Variants in CCDC6 observed in about 807,000 individuals in gnomAD.
The protein encoded by CCDC6 is coiled-coil domain-containing protein 6.
CCDC6 carries 20 observed loss-of-function variants against 56.6 expected under a neutral mutation model. That is an observed-to-expected ratio of 0.35 (90% CI 0.25 to 0.51). The LOEUF is 0.51. Among genes scored for constraint, CCDC6 ranks in the 20% least tolerant of loss-of-function variants. The probability of loss-of-function intolerance (pLI) is 0.95; values close to 1 mark genes in which losing one functional copy is unlikely to be tolerated. For synonymous variants in CCDC6, 241 were observed against 234.4 expected (o/e 1.03, Z -0.26); for missense variants, 367 against 601.1 (o/e 0.61, Z 4.07).
At chr10:59,826,685 A>G (rs1871637) in intron 3 of CCDC6, among the ~76,000 whole-genome samples, 76,293 of 152,176 alleles carry the variant, frequency 0.5, 19,932 homozygotes, top group African/African-American at 0.64. Context: ...CAGCATGGGC[A>G]AAGAAGAAAG....
rs1262520922 is a variant in CCDC6, at chr10:59,790,126, C to T, written c.*2791G>A. The T allele has an allele frequency of 4.7e-6, 1 of 214,604 alleles. No individual in the cohort carries two copies. Among genetic ancestry groups the T allele is most frequent in the Non-Finnish European group, 9.4e-6 (1 of 106,010 alleles). The allele number at this position is 214,604 out of a possible 1,614,324, so 13.3% of individuals were successfully genotyped here. A position where few individuals can be genotyped will look rare whatever the true frequency, so the allele number is the denominator to read the frequency against. On this transcript the variant is annotated 3_prime_UTR_variant, in exon 9 of 9. Coordinates refer to ENST00000263102, the MANE Select transcript of CCDC6 (RefSeq NM_005436.5). Reference sequence around the variant, plus strand: ...CTTGATGAGAGAAAGCAGTTCAGAGCCCAAAGAGGTGTCAGGTATTAGGTA... The same window carrying T: ...CTTGATGAGAGAAAGCAGTTCAGAGTCCAAAGAGGTGTCAGGTATTAGGTA...
intron 1 of CCDC6, among the ~76,000 whole-genome samples, chr10:59,854,589 C>G (rs2071065649): frequency 6.6e-6 from 1 of 152,144 alleles, no homozygotes; most frequent in African/African-American, 2.4e-5. Context: ...CCCTTACATA[C>G]CTCCTATTTC....
At chr10:59,854,978 G>A (rs1453518433) in intron 1 of CCDC6, among the ~76,000 whole-genome samples, 2 of 152,178 alleles carry the variant, frequency 1.3e-5, no homozygotes, top group Non-Finnish European at 2.9e-5. Flanking sequence ...TATCAGATCA[G>A]ACTCAACTTC....
chr10:59,835,109 G>T (rs2070870542), intron 2 of CCDC6, among the ~76,000 whole-genome samples: 1 of 152,200 alleles, frequency 6.6e-6, no homozygotes, highest in Non-Finnish European at 1.5e-5. Context: ...TAAACTATTT[G>T]CATAGCTTTT....
At chr10:59,832,324 G>A (rs769198391) in intron 3 of CCDC6, among the ~76,000 whole-genome samples, 6 of 152,118 alleles carry the variant, frequency 3.9e-5, no homozygotes, top group Non-Finnish European at 8.8e-5. Flanking sequence ...TATTAATTGT[G>A]GTTAAAAAAG....
intron 3 of CCDC6, among the ~76,000 whole-genome samples, chr10:59,826,357 C>T (rs1373448824): frequency 1.3e-5 from 2 of 152,196 alleles, no homozygotes; most frequent in Non-Finnish European, 2.9e-5. Flanking sequence ...GCCTCCTCTC[C>T]CATCTCTGCT....
chr10:59,898,659 G>A (rs768251766), intron 1 of CCDC6, among the ~76,000 whole-genome samples: 2 of 152,304 alleles, frequency 1.3e-5, no homozygotes, highest in African/African-American at 2.4e-5. Flanking sequence ...TGCAATCCTC[G>A]CTATGCTACC....
chr10:59,838,995 G>C (rs569681317), intron 2 of CCDC6, among the ~76,000 whole-genome samples: 1 of 152,294 alleles, frequency 6.6e-6, no homozygotes, highest in African/African-American at 2.4e-5. Flanking sequence ...ATGTGTTTCT[G>C]TATCTTTTCC....
intron 3 of CCDC6, among the ~76,000 whole-genome samples, chr10:59,828,922 A>G (rs1419651101): frequency 6.6e-6 from 1 of 152,204 alleles, no homozygotes; most frequent in Non-Finnish European, 1.5e-5. Flanking sequence ...TTGGACTTCT[A>G]GCTCTACAAT....
chr10:59,829,519 T>A (rs1191542034), intron 3 of CCDC6, among the ~76,000 whole-genome samples: 1 of 152,216 alleles, frequency 6.6e-6, no homozygotes, highest in Non-Finnish European at 1.5e-5. Flanking sequence ...GGAAACAACC[T>A]AAATGTCCAT....
chr10:59,865,411 C>G (rs759056960), intron 1 of CCDC6, among the ~76,000 whole-genome samples: 2 of 152,156 alleles, frequency 1.3e-5, no homozygotes, highest in Non-Finnish European at 2.9e-5. Context: ...CTCCTCCCAC[C>G]CTTTCCCGGC....
At chr10:59,799,914 A>C (rs1300947464) in intron 7 of CCDC6, among the ~76,000 whole-genome samples, 4 of 152,198 alleles carry the variant, frequency 2.6e-5, no homozygotes, top group Non-Finnish European at 5.9e-5. Context: ...ATAATATCAC[A>C]AAGTGCTTTG....
chr10:59,905,988 G>A (rs2071542094), intron 1 of CCDC6, 134 bp downstream of exon 1: 1 of 763,238 alleles, frequency 1.3e-6, no homozygotes, highest in Non-Finnish European at 2.0e-6. Flanking sequence ...AAGCCAGCAG[G>A]TCCCCGCAGG....
intron 7 of CCDC6, among the ~76,000 whole-genome samples, chr10:59,795,526 G>A (rs1490613057): frequency 6.6e-6 from 1 of 151,474 alleles, no homozygotes; most frequent in African/African-American, 2.4e-5. Context: ...ACAATGTGCA[G>A]GTTAGTTACA....
chr10:59,905,092 A>T (rs189255259), intron 1 of CCDC6, among the ~76,000 whole-genome samples: 46 of 152,210 alleles, frequency 3.0e-4, no homozygotes, highest in Middle Eastern at 3.4e-3. Context: ...GGAACTTTTG[A>T]TTTGAATACA....
At chr10:59,905,482 A>AACCGTCC (rs1290485184) in intron 1 of CCDC6, among the ~76,000 whole-genome samples, 4 of 152,032 alleles carry the variant, frequency 2.6e-5, no homozygotes, top group African/African-American at 7.2e-5. Context: ...CCTCGCTGTA[A>AACCGTCC]ACCGTCCACC....
intron 3 of CCDC6, among the ~76,000 whole-genome samples, chr10:59,817,056 G>A (rs60264700): frequency 0.016 from 2,408 of 152,328 alleles, 81 homozygotes; most frequent in African/African-American, 0.055. Context: ...TCCTCAGAAT[G>A]TTAAACAATT....
At chr10:59,859,211 T>C (rs1488802459) in intron 1 of CCDC6, among the ~76,000 whole-genome samples, 3 of 144,426 alleles carry the variant, frequency 2.1e-5, no homozygotes, top group African/African-American at 5.1e-5. Context: ...TGTGTGTGTG[T>C]GTGTGTGTGT....
intron 1 of CCDC6, among the ~76,000 whole-genome samples, chr10:59,889,256 C>T (rs2071404520): frequency 1.3e-5 from 2 of 152,156 alleles, no homozygotes; most frequent in Admixed American, 1.3e-4. Context: ...TGACAAATGA[C>T]AACAGGGACA....
Sources: allele counts gnomAD v4.1 joint callset (sites outside exome capture counted in the v4.1 genomes callset), GRCh38; gene constraint gnomAD v4.1.1; transcripts MANE v1.5; gene names NCBI Gene and HGNC (gene_info 2026-07-23, HGNC 2026-07-21).